The following MIGA1 variants were observed in gnomAD, a reference collection of about 807,000 sequenced individuals.
MIGA1 encodes the protein family with sequence similarity 73, member A.
In MIGA1, 58 loss-of-function variants were observed where a neutral mutation model predicts 82.0. That is an observed-to-expected ratio of 0.71 (90% CI 0.57 to 0.88). MIGA1 has a LOEUF of 0.88. Ranked by LOEUF, MIGA1 falls within the 40% of genes least tolerant of loss-of-function variation. The probability of loss-of-function intolerance (pLI) is 0.00; values close to 1 mark genes in which losing one functional copy is unlikely to be tolerated. For synonymous variants in MIGA1, 249 were observed against 253.6 expected, an observed-to-expected ratio of 0.98 and a Z score of 0.17; for missense variants, 751 against 749.1, an observed-to-expected ratio of 1.00 and a Z score of -0.03.
chr1:77,845,962 T>C (rs1004657790), intron 8 of MIGA1, among the ~76,000 whole-genome samples: 2 of 152,048 alleles, frequency 1.3e-5, no homozygotes, highest in Non-Finnish European at 2.9e-5. Context: ...TTTTTTTTTT[T>C]TTAAATATAG....
chr1:77,799,674 T>C (rs1319169077), intron 2 of MIGA1, among the ~76,000 whole-genome samples: 1 of 152,168 alleles, frequency 6.6e-6, no homozygotes, highest in Non-Finnish European at 1.5e-5. Flanking sequence ...TGTTTTTTTT[T>C]CCGAGTGAGT....
chr1:77,794,085 G>A (rs914217787), intron 2 of MIGA1, among the ~76,000 whole-genome samples: 2 of 152,008 alleles, frequency 1.3e-5, no homozygotes, highest in South Asian at 2.1e-4. Flanking sequence ...CACCGCGCCC[G>A]GCCTTAAACT....
intron 3 of MIGA1, among the ~76,000 whole-genome samples, chr1:77,802,461 G>A (rs142384399): frequency 1.3e-5 from 2 of 152,228 alleles, no homozygotes; most frequent in East Asian, 3.9e-4. Context: ...TTGAATCCAG[G>A]AACATCTTAA....
rs895748821 is a variant in MIGA1, at chr1:77,851,601, A to T, written c.997-7337A>T. Among the ~76,000 whole-genome samples the T allele has an allele frequency of 7.2e-5, 11 of 152,346 alleles. No individual in the cohort carries two copies. The East Asian group carries it at 1.7e-3, about 24-fold the overall frequency. On this transcript the variant is annotated intron_variant, in intron 8 of 15. Coordinates refer to ENST00000370791, the MANE Select transcript of MIGA1 (RefSeq NM_198549.4). ...TTTTTGTTTAAAAAAGTTTAAGATT[A>T]ATGATTTAAATAAATGTTTCTAAGC...
chr1:77,785,826 A>G (rs1480979728), intron 2 of MIGA1, among the ~76,000 whole-genome samples: 1 of 151,954 alleles, frequency 6.6e-6, no homozygotes, highest in Non-Finnish European at 1.5e-5. Context: ...TGGCTTTCCC[A>G]GGTGTATGGT....
At chr1:77,785,440 T>G (rs1262104107) in intron 2 of MIGA1, among the ~76,000 whole-genome samples, 1 of 150,936 alleles carries the variant, frequency 6.6e-6, no homozygotes, top group Non-Finnish European at 1.5e-5. Flanking sequence ...GCCTCCCGAG[T>G]TCAAGCGATT....
At chr1:77,844,871 A>C (rs950116110) in intron 8 of MIGA1, among the ~76,000 whole-genome samples, 1 of 152,126 alleles carries the variant, frequency 6.6e-6, no homozygotes, top group Admixed American at 6.5e-5. Context: ...AATCACAGCT[A>C]CTCAGGAGGC....
chr1:77,792,373 T>C (rs1319453887), intron 2 of MIGA1, among the ~76,000 whole-genome samples: 1 of 152,224 alleles, frequency 6.6e-6, no homozygotes, highest in East Asian at 1.9e-4. Flanking sequence ...TGGGTCTTTT[T>C]GCCTGGGTTG....
At position 77,858,922 on chromosome 1, in the gene MIGA1, C is replaced by T. The variant is rs1430534017; in HGVS notation, c.997-16C>T. 1 of 1,467,914 alleles carries T rather than the reference C, an allele frequency of 6.8e-7. No individual in the cohort carries two copies. Among genetic ancestry groups the T allele is most frequent in the East Asian group, 2.3e-5 (1 of 44,212 alleles). 90.9% of individuals were successfully genotyped at this position (1,467,914 alleles called of 1,614,324 possible). Reference sequence around the variant, plus strand: ...GCACCTAGCCTGTATTCTGTTCTAACCCACCGTGCTCTTAGCTTGCAGAAC... The same window carrying T: ...GCACCTAGCCTGTATTCTGTTCTAATCCACCGTGCTCTTAGCTTGCAGAAC... On this transcript the variant is annotated splice_polypyrimidine_tract_variant and intron_variant, in intron 8 of 15. Coordinates refer to ENST00000370791, the MANE Select transcript of MIGA1 (RefSeq NM_198549.4).
At chr1:77,830,210 T>C (rs1378987359) in intron 7 of MIGA1, among the ~76,000 whole-genome samples, 2 of 152,190 alleles carry the variant, frequency 1.3e-5, no homozygotes, top group African/African-American at 4.8e-5. Context: ...ATTTTCATAA[T>C]AGTAACCTTT....
intron 1 of MIGA1, 96 bp downstream of exon 1, chr1:77,779,832 G>A: frequency 6.9e-7 from 1 of 1,447,426 alleles, no homozygotes; most frequent in Non-Finnish European, 9.1e-7. Flanking sequence ...CGGGGCAGGG[G>A]TGGCGCGGAC....
chr1:77,806,267 A>G (rs1391752839), intron 4 of MIGA1, among the ~76,000 whole-genome samples: 1 of 152,224 alleles, frequency 6.6e-6, no homozygotes, highest in Non-Finnish European at 1.5e-5. Context: ...ATATCTGAAC[A>G]TAGAAAAAGT....
Position 77,788,048 on chromosome 1 carries a change from G to A in MIGA1, c.195+4697G>A, listed in dbSNP as rs796820383. On this transcript the variant is annotated intron_variant, in intron 2 of 15. Transcript: ENST00000370791. The stretch of plus-strand genomic sequence containing the variant: ...TTCACCCAGGTTAGAGTGCAATGGC[G>A]CAATCTCGGCTCACTGCAACCTCCG... 1.8e-4 allele frequency among the ~76,000 whole-genome samples: 27 copies of A among 151,874 alleles called. No individual in the cohort carries two copies. The East Asian group carries it at 3.7e-3, about 21-fold the overall frequency.
intron 1 of MIGA1, chr1:77,783,017 T>C (rs2101677032): frequency 3.1e-6 from 1 of 324,094 alleles, no homozygotes; most frequent in East Asian, 1.7e-4. Flanking sequence ...TTTTTTTTTT[T>C]TAACTTCTTA....
chr1:77,860,827 C>T (rs1384819848), intron 11 of MIGA1: 1 of 175,836 alleles, frequency 5.7e-6, no homozygotes, highest in Non-Finnish European at 1.2e-5. Context: ...ACATGCAATT[C>T]CCAATGTAAG....
chr1:77,874,789 T>C, intron 15 of MIGA1, 57 bp from the exon 16 acceptor site: 2 of 1,220,884 alleles, frequency 1.6e-6, no homozygotes, highest in Non-Finnish European at 2.4e-6. Context: ...TATTAGAAGC[T>C]TTCTCAATGT....
chr1:77,873,580 A>G (rs1646867539), intron 15 of MIGA1, among the ~76,000 whole-genome samples: 1 of 152,210 alleles, frequency 6.6e-6, no homozygotes, highest in African/African-American at 2.4e-5. Flanking sequence ...GAGAAATAAA[A>G]TGGGGGTTTA....
chr1:77,784,097 T>C (rs1682041751), intron 2 of MIGA1, among the ~76,000 whole-genome samples: 1 of 152,236 alleles, frequency 6.6e-6, no homozygotes, highest in Non-Finnish European at 1.5e-5. Flanking sequence ...GTTTTTGCTA[T>C]TGTGAATAAT....
intron 8 of MIGA1, among the ~76,000 whole-genome samples, chr1:77,858,208 G>A (rs2101931905): frequency 6.6e-6 from 1 of 152,212 alleles, no homozygotes; most frequent in Non-Finnish European, 1.5e-5. Context: ...TTAGCTGGGT[G>A]TGGTGGTGCA....
Sources: allele counts gnomAD v4.1 joint callset (sites outside exome capture counted in the v4.1 genomes callset), GRCh38; gene constraint gnomAD v4.1.1; transcripts MANE v1.5; gene names NCBI Gene and HGNC (gene_info 2026-07-23, HGNC 2026-07-21).